The following LRRC4C variants were observed in gnomAD, a reference collection of about 807,000 sequenced individuals.
LRRC4C encodes leucine-rich repeat-containing protein 4C.
LRRC4C carries 5 observed loss-of-function variants against 33.6 expected under a neutral mutation model. That is an observed-to-expected ratio of 0.15 (90% CI 0.08 to 0.31). LRRC4C has a LOEUF of 0.31. LRRC4C is among the 10% of genes least tolerant of loss of function. LRRC4C has a pLI of 1.00. For synonymous variants in LRRC4C, 329 were observed against 302.0 expected, an observed-to-expected ratio of 1.09 and a Z score of -0.93; for missense variants, 560 against 796.7, an observed-to-expected ratio of 0.70 and a Z score of 3.58.
chr11:40,671,226 T>C (rs1412184834), intron 2 of LRRC4C, among the ~76,000 whole-genome samples: 3 of 152,252 alleles, frequency 2.0e-5, no homozygotes, highest in African/African-American at 7.2e-5. Flanking sequence ...AAACTGTGAT[T>C]AATCATTTTA....
At chr11:41,293,086 G>T (rs1382501389) in intron 1 of LRRC4C, among the ~76,000 whole-genome samples, 1 of 152,050 alleles carries the variant, frequency 6.6e-6, no homozygotes, top group Non-Finnish European at 1.5e-5. Flanking sequence ...GTCATAGAGG[G>T]ACATTGAATC....
rs1263827160 is a variant in LRRC4C at position 40,438,497 on chromosome 11, G to A, written c.-269-118776C>T. Among the ~76,000 whole-genome samples, 3 of 152,192 alleles carry A rather than the reference G, an allele frequency of 2.0e-5. No individual in the cohort carries two copies. The East Asian group carries it at 5.8e-4, about 29-fold the overall frequency. On this transcript the variant is annotated intron_variant, in intron 3 of 6. Transcript: ENST00000528697. Reference sequence around the variant, plus strand: ...AGAATTTAGCCTCCAGGAGGGCAGGGACATTTGTCTTTTTAAGCAATTTGT... The same window carrying A: ...AGAATTTAGCCTCCAGGAGGGCAGGAACATTTGTCTTTTTAAGCAATTTGT...
At chr11:40,255,006 G>A (rs1867086857) in intron 4 of LRRC4C, among the ~76,000 whole-genome samples, 1 of 152,030 alleles carries the variant, frequency 6.6e-6, no homozygotes, top group African/African-American at 2.4e-5. Context: ...TAGTGACAGG[G>A]TTTCTATGCT....
intron 3 of LRRC4C, among the ~76,000 whole-genome samples, chr11:40,379,276 T>C (rs376872621): frequency 6.7e-6 from 1 of 148,834 alleles, no homozygotes; most frequent in East Asian, 1.9e-4. Flanking sequence ...AATTTAATTA[T>C]AATATAAAAT....
At chr11:40,286,128 A>G (rs1471054194) in intron 4 of LRRC4C, among the ~76,000 whole-genome samples, 1 of 152,212 alleles carries the variant, frequency 6.6e-6, no homozygotes, top group Non-Finnish European at 1.5e-5. Flanking sequence ...GAAAACACTG[A>G]TAGTACCAAA....
At chr11:40,511,021 T>C (rs543634961) in intron 3 of LRRC4C, among the ~76,000 whole-genome samples, 3 of 152,168 alleles carry the variant, frequency 2.0e-5, no homozygotes, top group African/African-American at 7.2e-5. Context: ...AAAAATAAAA[T>C]CCAGGTTGAG....
intron 1 of LRRC4C, among the ~76,000 whole-genome samples, chr11:41,113,775 T>C (rs891755088): frequency 2.0e-5 from 3 of 152,206 alleles, no homozygotes; most frequent in African/African-American, 7.2e-5. Flanking sequence ...TTATACCTTA[T>C]TGTTTCATGA....
In LRRC4C at chr11:40,208,444, T is replaced by C. The variant is rs187694915; in HGVS notation, c.-96+33075A>G. Reference sequence around the variant, plus strand: ...TAGAACTGAATATCCTGGATTGGTGTGATATAAATCATGAATACGTTTCCA... The same window carrying C: ...TAGAACTGAATATCCTGGATTGGTGCGATATAAATCATGAATACGTTTCCA... On this transcript the variant is annotated intron_variant, in intron 5 of 6. Coordinates refer to ENST00000528697, the MANE Select transcript of LRRC4C (RefSeq NM_001258419.2). Among the ~76,000 whole-genome samples the C allele has an allele frequency of 1.5e-4, 23 of 152,294 alleles. No individual in the cohort carries two copies. In the East Asian group the frequency reaches 3.9e-3, roughly 26 times the overall value.
chr11:41,133,224 T>C (rs1490194231), intron 1 of LRRC4C, among the ~76,000 whole-genome samples: 1 of 152,128 alleles, frequency 6.6e-6, no homozygotes, highest in Non-Finnish European at 1.5e-5. Flanking sequence ...TCCATGGCAC[T>C]AGGCTAATAT....
chr11:41,258,540 A>G (rs942708707), intron 1 of LRRC4C, among the ~76,000 whole-genome samples: 2 of 152,010 alleles, frequency 1.3e-5, no homozygotes, highest in Non-Finnish European at 2.9e-5. Context: ...TTTGGATTTT[A>G]CCTTATTGTG....
intron 5 of LRRC4C, among the ~76,000 whole-genome samples, chr11:40,157,755 A>T (rs775129268): frequency 3.3e-5 from 5 of 152,170 alleles, no homozygotes; most frequent in African/African-American, 1.2e-4. Flanking sequence ...AAGTCAAAAA[A>T]CAGTAGATGC....
intron 3 of LRRC4C, among the ~76,000 whole-genome samples, chr11:40,536,520 A>C (rs896629731): frequency 6.6e-6 from 1 of 152,160 alleles, no homozygotes. Context: ...CAAGTCTTTT[A>C]GGTGATTCTG....
At chr11:40,425,927 C>T (rs1950695094) in intron 3 of LRRC4C, among the ~76,000 whole-genome samples, 1 of 151,894 alleles carries the variant, frequency 6.6e-6, no homozygotes, top group African/African-American at 2.4e-5. Context: ...TTCACTTGTT[C>T]GTCTAGCATG....
At chr11:41,304,667 A>G (rs2137116680) in intron 1 of LRRC4C, among the ~76,000 whole-genome samples, 1 of 100,810 alleles carries the variant, frequency 9.9e-6, no homozygotes. Context: ...TCCGGGAGGG[A>G]GGTTGGGGGG....
At chr11:40,481,521 T>A (rs970487) in intron 3 of LRRC4C, among the ~76,000 whole-genome samples, 76,737 of 151,830 alleles carry the variant, frequency 0.51, 19,685 homozygotes, top group East Asian at 0.73. Context: ...CTAAATTCAG[T>A]AACGGTCACC....
intron 1 of LRRC4C, among the ~76,000 whole-genome samples, chr11:40,976,306 C>T (rs776684325): frequency 4.6e-5 from 7 of 152,100 alleles, no homozygotes; most frequent in Non-Finnish European, 1.0e-4. Context: ...AGAACATTCA[C>T]CTGGATTTAT....
chr11:41,458,148 T>C (rs1178281703), intron 1 of LRRC4C, among the ~76,000 whole-genome samples: 1 of 152,126 alleles, frequency 6.6e-6, no homozygotes, highest in Non-Finnish European at 1.5e-5. Context: ...TACATAGACA[T>C]CAACAGCTGG....
intron 1 of LRRC4C, among the ~76,000 whole-genome samples, chr11:40,936,657 C>T (rs1343759436): frequency 6.6e-6 from 1 of 152,012 alleles, no homozygotes; most frequent in Non-Finnish European, 1.5e-5. Context: ...CTTTCAAGCA[C>T]TTACCATACA....
At chr11:41,371,984 G>T (rs1952765477) in intron 1 of LRRC4C, among the ~76,000 whole-genome samples, 1 of 151,954 alleles carries the variant, frequency 6.6e-6, no homozygotes, top group South Asian at 2.1e-4. Context: ...AAAATACAAA[G>T]AAATTAGCCA....
Sources: gnomAD v4.1 joint callset for allele counts (sites outside exome capture counted in the v4.1 genomes callset) on GRCh38, gnomAD v4.1.1 for gene constraint, MANE v1.5 for transcripts, NCBI Gene and HGNC (gene_info 2026-07-23, HGNC 2026-07-21) for gene names.